UBR3: variants seen among roughly 807,000 people sequenced by gnomAD.
UBR3 encodes ubiquitin protein ligase E3 component n-recognin 3.
Under a neutral mutation model 243.2 loss-of-function variants are expected in UBR3, and 85 were observed. The ratio of observed to expected loss-of-function variants is 0.35; its 90% CI spans 0.29 to 0.42. The LOEUF (loss-of-function observed/expected upper bound fraction) is 0.42. Ranked by LOEUF, UBR3 falls within the 10% of genes least tolerant of loss-of-function variation. The pLI is 1.00. For missense variants in UBR3, 1,686 were observed against 2,300.8 expected, an observed-to-expected ratio of 0.73 and a Z score of 5.47; for synonymous variants, 748 against 799.8, an observed-to-expected ratio of 0.94 and a Z score of 1.09.
chr2:169,954,497 C>T (rs1203072531), intron 23 of UBR3, among the ~76,000 whole-genome samples: 2 of 151,972 alleles, frequency 1.3e-5, no homozygotes, highest in Non-Finnish European at 2.9e-5. Context: ...CCCGCCTCAG[C>T]CCCACAAAGT....
intron 13 of UBR3, 140 bp from the exon 14 acceptor site, chr2:169,925,479 A>G (rs776587517): frequency 4.7e-4 from 347 of 745,034 alleles, no homozygotes; most frequent in Non-Finnish European, 6.4e-4. Flanking sequence ...TGTATATTTC[A>G]ACTGATTATC....
intron 23 of UBR3, among the ~76,000 whole-genome samples, chr2:169,955,461 C>A (rs940831757): frequency 6.6e-6 from 1 of 151,888 alleles, no homozygotes; most frequent in African/African-American, 2.4e-5. Flanking sequence ...CTATTCCCAT[C>A]ATTCTTTGAG....
Position 169,895,225 on chromosome 2 carries a change from G to T in UBR3, c.1150G>T (p.Glu384Ter). The T allele has an allele frequency of 6.5e-7, 1 of 1,539,420 alleles. No individual in the cohort carries two copies. Among genetic ancestry groups the T allele is most frequent in the Non-Finnish European group, 8.7e-7 (1 of 1,144,018 alleles). The change falls in exon 7 of 39, where the codon GAA becomes TAA. Residue 384 changes from glutamate (E) to a stop codon, truncating the protein, a stop_gained. Transcript: ENST00000272793. LOFTEE classifies it high-confidence loss of function. ...TTTGAAGCATAAAAGCTTCCTAGAA[G>T]AACTATTATTTTGGACTATAAAATA... ...DVLKHKSFLEELLFWTIKYEF... is the reference protein window; with the variant it reads ...DVLKHKSFLE
At chr2:169,886,066 A>G (rs1435636065) in intron 5 of UBR3, among the ~76,000 whole-genome samples, 1 of 151,642 alleles carries the variant, frequency 6.6e-6, no homozygotes, top group African/African-American at 2.4e-5. Flanking sequence ...CTGAGGCAGG[A>G]GAATCGCTTG....
At chr2:169,916,865 A>G (rs2085483476) in intron 11 of UBR3, among the ~76,000 whole-genome samples, 1 of 150,902 alleles carries the variant, frequency 6.6e-6, no homozygotes, top group South Asian at 2.1e-4. Flanking sequence ...CACACCCCCT[A>G]TGCCTGAGCA....
At chr2:169,903,808 C>T (rs892882047) in intron 8 of UBR3, among the ~76,000 whole-genome samples, 1 of 152,040 alleles carries the variant, frequency 6.6e-6, no homozygotes, top group African/African-American at 2.4e-5. Context: ...ACTGCTTGAG[C>T]CCAGGAGTTT....
intron 5 of UBR3, among the ~76,000 whole-genome samples, chr2:169,879,134 TTTA>T (rs1425961474): frequency 6.6e-6 from 1 of 151,556 alleles, no homozygotes; most frequent in East Asian, 1.9e-4. Context: ...ATTTCTATAT[TTTA>T]TTACATAATT....
chr2:169,952,528 C>G (rs572337522), intron 23 of UBR3, among the ~76,000 whole-genome samples: 38 of 152,168 alleles, frequency 2.5e-4, no homozygotes, highest in Middle Eastern at 3.4e-3. Context: ...AACCTCGTCT[C>G]TACTAAAAAC....
At chr2:170,021,424 CATA>C (rs1350076510) in intron 30 of UBR3, among the ~76,000 whole-genome samples, 2 of 152,142 alleles carry the variant, frequency 1.3e-5, no homozygotes, top group Non-Finnish European at 2.9e-5. Flanking sequence ...CTTCCTCATA[CATA>C]GCTGTCTTCT....
At position 169,890,563 on chromosome 2, in the gene UBR3, A is replaced by ATATATGTGTGTGTG. The variant is rs1255881148; in HGVS notation, c.1039-601_1039-600insATATGTGTGTGTGT. ...GAGATATATATATATATATATATAT[A>ATATATGTGTGTGTG]TGTGTATATATATATATGTATATAT... On this transcript the variant is annotated intron_variant, in intron 5 of 38. Coordinates refer to ENST00000272793, the MANE Select transcript of UBR3 (RefSeq NM_172070.4). Among the ~76,000 whole-genome samples the ATATATGTGTGTGTG allele has an allele frequency of 7.2e-5, 6 of 83,886 alleles. No individual in the cohort carries two copies. In the East Asian group the frequency reaches 1.8e-3, roughly 25 times the overall value. The allele number at this position is 83,886 out of a possible 152,430, so 55.0% of individuals were successfully genotyped here.
At chr2:169,885,122 A>G (rs2084039245) in intron 5 of UBR3, among the ~76,000 whole-genome samples, 1 of 152,222 alleles carries the variant, frequency 6.6e-6, no homozygotes. Context: ...GTATGGCTTC[A>G]GGATTAGAAT....
intron 10 of UBR3, among the ~76,000 whole-genome samples, chr2:169,912,808 T>C (rs1362692950): frequency 6.6e-6 from 1 of 151,874 alleles, no homozygotes. Flanking sequence ...TGAGATAGGG[T>C]CTCACTGTGT....
chr2:169,875,644 TA>T, intron 2 of UBR3, 146 bp from the exon 3 acceptor site: 1 of 792,116 alleles, frequency 1.3e-6, no homozygotes, highest in Non-Finnish European at 1.8e-6. Flanking sequence ...TACCAATTTC[TA>T]AACAGAGTTC....
At position 169,987,010 on chromosome 2, in the gene UBR3, T is replaced by C. The variant is rs138419559; in HGVS notation, c.3784+216T>C. On this transcript the variant is annotated intron_variant, in intron 25 of 38. Transcript: ENST00000272793. ...AACTCCTAACAGAGATCTTGCTGTA[T>C]GGTTTCACAATTTTTTTCTTTAAAG... 2.5e-4 allele frequency among the ~76,000 whole-genome samples: 38 copies of C among 152,320 alleles called. No homozygotes were observed. In the East Asian group the frequency reaches 6.9e-3, roughly 28 times the overall value.
At chr2:170,056,302 G>A (rs904368005) in intron 33 of UBR3, among the ~76,000 whole-genome samples, 17 of 152,094 alleles carry the variant, frequency 1.1e-4, no homozygotes, top group African/African-American at 3.6e-4. Context: ...CACCGCGCCC[G>A]GCCAGTCCTA....
chr2:169,841,858 G>C (rs2082303868), intron 1 of UBR3, among the ~76,000 whole-genome samples: 1 of 152,218 alleles, frequency 6.6e-6, no homozygotes, highest in South Asian at 2.1e-4. Flanking sequence ...TCCCCGACGA[G>C]CACCACCCCC....
At chr2:169,870,191 TTC>T (rs2083390551) in intron 1 of UBR3, among the ~76,000 whole-genome samples, 1 of 152,370 alleles carries the variant, frequency 6.6e-6, no homozygotes, top group South Asian at 2.1e-4. Flanking sequence ...GTAAATTTTG[TTC>T]TAAAGTAGTT....
At chr2:169,956,191 C>T (rs1414404318) in intron 23 of UBR3, among the ~76,000 whole-genome samples, 1 of 125,578 alleles carries the variant, frequency 8.0e-6, no homozygotes, top group Non-Finnish European at 1.7e-5. Flanking sequence ...AGTGAGATAC[C>T]TGACACCTAT....
At chr2:169,925,999 G>T (rs976165194) in intron 14 of UBR3, among the ~76,000 whole-genome samples, 4 of 149,128 alleles carry the variant, frequency 2.7e-5, no homozygotes, top group African/African-American at 9.8e-5. Flanking sequence ...TGGGGTTTCT[G>T]CAGGAAAGGC....
Sources: gnomAD v4.1 joint callset for allele counts (sites outside exome capture counted in the v4.1 genomes callset) on GRCh38, gnomAD v4.1.1 for gene constraint, MANE v1.5 for transcripts, NCBI Gene and HGNC (gene_info 2026-07-23, HGNC 2026-07-21) for gene names.